The following TBC1D12 variants were observed in gnomAD, a reference collection of about 807,000 sequenced individuals.
The protein encoded by TBC1D12 is TBC1 domain family member 12.
Under a neutral mutation model 86.7 loss-of-function variants are expected in TBC1D12, and 56 were observed. The ratio of observed to expected loss-of-function variants is 0.65; its 90% CI spans 0.52 to 0.81. The LOEUF is 0.81. TBC1D12 is among the 30% of genes least tolerant of loss of function. TBC1D12 has a pLI of 0.00. For missense variants in TBC1D12, 1,023 were observed against 1,038.8 expected (o/e 0.98, Z 0.21); for synonymous variants, 421 against 411.7 (o/e 1.02, Z -0.27).
intron 2 of TBC1D12, among the ~76,000 whole-genome samples, chr10:94,467,824 C>G (rs1029385464): frequency 2.0e-5 from 3 of 152,184 alleles, no homozygotes; most frequent in Non-Finnish European, 4.4e-5. Flanking sequence ...CGCGTACAAC[C>G]ATACTTGGCT....
intron 1 of TBC1D12, among the ~76,000 whole-genome samples, chr10:94,435,172 A>G (rs1346609344): frequency 6.6e-6 from 1 of 152,166 alleles, no homozygotes; most frequent in Non-Finnish European, 1.5e-5. Context: ...ATGTTGTTAT[A>G]TATGTATTCC....
intron 11 of TBC1D12, among the ~76,000 whole-genome samples, chr10:94,525,484 G>A (rs1338514160): frequency 6.6e-6 from 1 of 151,698 alleles, no homozygotes. Flanking sequence ...TGTGCCTGTA[G>A]TCCCAGCCAC....
intron 1 of TBC1D12, among the ~76,000 whole-genome samples, chr10:94,416,719 A>G (rs1166557893): frequency 6.6e-6 from 1 of 152,188 alleles, no homozygotes; most frequent in Non-Finnish European, 1.5e-5. Context: ...AAAAGAGGAT[A>G]TGAGGATGCA....
intron 1 of TBC1D12, among the ~76,000 whole-genome samples, chr10:94,429,335 A>C (rs1041916081): frequency 6.6e-6 from 1 of 152,266 alleles, no homozygotes; most frequent in African/African-American, 2.4e-5. Context: ...GACAAGATCC[A>C]AAAACAGCTT....
intron 4 of TBC1D12, 68 bp downstream of exon 4, chr10:94,493,515 C>T: frequency 8.8e-7 from 1 of 1,134,208 alleles, no homozygotes. Context: ...TAAAATTCAT[C>T]AAGTCTGTCT....
chr10:94,493,861 C>A (rs1330421718), intron 4 of TBC1D12, among the ~76,000 whole-genome samples: 1 of 152,026 alleles, frequency 6.6e-6, no homozygotes, highest in Non-Finnish European at 1.5e-5. Flanking sequence ...TGTACTTTTA[C>A]AGAATAGGAG....
intron 3 of TBC1D12, among the ~76,000 whole-genome samples, chr10:94,479,860 A>C (rs7087355): frequency 8.8e-4 from 134 of 152,330 alleles, no homozygotes; most frequent in African/African-American, 3.1e-3. Context: ...TAAGTATGTA[A>C]GTAGCCCAAA....
chr10:94,416,782 C>T (rs1048456091), intron 1 of TBC1D12, among the ~76,000 whole-genome samples: 1 of 151,994 alleles, frequency 6.6e-6, no homozygotes, highest in Admixed American at 6.6e-5. Flanking sequence ...AGGAACTTTA[C>T]AGTAGATGAA....
rs1408372396 is a variant in TBC1D12 at position 94,403,188 on chromosome 10, C to T, written c.575C>T (p.Ala192Val). Reference protein sequence around the residue: ...ADGAGSPSDWASPLEDPLRSC... With the variant: ...ADGAGSPSDWVSPLEDPLRSC... ...GGCGCGGGAAGCCCGTCCGATTGGG[C>T]CTCTCCGCTTGAGGACCCGCTGCGG... The change falls in exon 1 of 13, where the codon GCC becomes GTC. Residue 192 changes from alanine (A) to valine (V), a missense_variant. Physicochemically the swap from Ala to Val is moderately conservative, Grantham distance 64 (BLOSUM62 0). Transcript: ENST00000225235. 3 of 1,495,384 alleles carry T rather than the reference C, an allele frequency of 2.0e-6. No individual in the cohort carries two copies. Among genetic ancestry groups the T allele is most frequent in the South Asian group, 1.3e-5 (1 of 78,262 alleles). 92.6% of individuals were successfully genotyped at this position (1,495,384 alleles called of 1,614,324 possible).
intron 9 of TBC1D12, among the ~76,000 whole-genome samples, chr10:94,518,831 T>C (rs1246428826): frequency 2.0e-5 from 3 of 152,154 alleles, no homozygotes; most frequent in African/African-American, 7.2e-5. Flanking sequence ...TCCCAGCACC[T>C]TAGGAGGTCA....
At chr10:94,493,131 A>C (rs1220667886) in intron 3 of TBC1D12, among the ~76,000 whole-genome samples, 3 of 141,470 alleles carry the variant, frequency 2.1e-5, no homozygotes, top group African/African-American at 7.7e-5. Flanking sequence ...ATACCAACTT[A>C]TATACACATG....
At chr10:94,423,584 G>T (rs1288931318) in intron 1 of TBC1D12, among the ~76,000 whole-genome samples, 1 of 152,000 alleles carries the variant, frequency 6.6e-6, no homozygotes, top group Non-Finnish European at 1.5e-5. Context: ...CTGACCTCAG[G>T]TGGTCTGCCT....
chr10:94,486,139 CTTTTTTTTT>C (rs1282522464), intron 3 of TBC1D12, among the ~76,000 whole-genome samples: 1 of 108,426 alleles, frequency 9.2e-6, no homozygotes, highest in South Asian at 3.3e-4. Context: ...TCTTCTTCTT[CTTTTTTTTT>C]TTTTTTTTTG....
intron 1 of TBC1D12, among the ~76,000 whole-genome samples, chr10:94,424,833 G>C (rs1005483403): frequency 6.6e-6 from 1 of 152,120 alleles, no homozygotes; most frequent in African/African-American, 2.4e-5. Flanking sequence ...TAATTAATGG[G>C]TTTAAAGTAA....
intron 2 of TBC1D12, among the ~76,000 whole-genome samples, chr10:94,444,877 G>T (rs1589619907): frequency 6.6e-6 from 1 of 150,856 alleles, no homozygotes; most frequent in Non-Finnish European, 1.5e-5. Flanking sequence ...GACTACAGGC[G>T]CCCGCCGCCA....
intron 2 of TBC1D12, among the ~76,000 whole-genome samples, chr10:94,454,329 A>G (rs1241299145): frequency 6.6e-6 from 1 of 152,180 alleles, no homozygotes; most frequent in Non-Finnish European, 1.5e-5. Flanking sequence ...CTCCTGCCTC[A>G]GCCTCCTGAG....
At chr10:94,421,735 A>C (rs1006970892) in intron 1 of TBC1D12, among the ~76,000 whole-genome samples, 1 of 152,150 alleles carries the variant, frequency 6.6e-6, no homozygotes, top group East Asian at 1.9e-4. Flanking sequence ...ATGGGTTTGT[A>C]ATAGTATTTC....
At chr10:94,492,864 AT>A (rs1457091707) in intron 3 of TBC1D12, among the ~76,000 whole-genome samples, 1 of 152,202 alleles carries the variant, frequency 6.6e-6, no homozygotes, top group Non-Finnish European at 1.5e-5. Flanking sequence ...TTCTTAAAAT[AT>A]GTTTATTCAT....
chr10:94,500,388 G>A (rs1294595463), intron 6 of TBC1D12, 61 bp downstream of exon 6: 5 of 1,420,618 alleles, frequency 3.5e-6, no homozygotes, highest in Non-Finnish European at 3.9e-6. Flanking sequence ...GAGTTACATA[G>A]CAGATTAGTA....
Sources: gnomAD v4.1 joint callset for allele counts (sites outside exome capture counted in the v4.1 genomes callset) on GRCh38, gnomAD v4.1.1 for gene constraint, MANE v1.5 for transcripts, NCBI Gene and HGNC (gene_info 2026-07-23, HGNC 2026-07-21) for gene names.